The following PPP1R1C variants were observed in gnomAD, a reference collection of about 807,000 sequenced individuals.
PPP1R1C encodes the protein protein phosphatase 1 regulatory subunit 1C.
Under a neutral mutation model 17.4 loss-of-function variants are expected in PPP1R1C, and 15 were observed. The ratio of observed to expected loss-of-function variants is 0.86; its 90% CI spans 0.58 to 1.33. The LOEUF is 1.33. PPP1R1C is among the 40% of genes most tolerant of loss of function. PPP1R1C has a pLI of 0.00. For synonymous variants in PPP1R1C, 35 were observed against 43.1 expected (o/e 0.81, Z 0.73); for missense variants, 143 against 130.0 (o/e 1.10, Z -0.48).
intron 2 of PPP1R1C, among the ~76,000 whole-genome samples, chr2:182,060,903 C>T (rs1687830291): frequency 6.6e-6 from 1 of 152,122 alleles, no homozygotes; most frequent in African/African-American, 2.4e-5. Context: ...CCTTCATACA[C>T]AGCACAATCA....
intron 2 of PPP1R1C, among the ~76,000 whole-genome samples, chr2:182,058,538 G>A (rs1217536795): frequency 2.0e-5 from 3 of 152,044 alleles, no homozygotes; most frequent in African/African-American, 7.2e-5. Context: ...CTTAAGGAGT[G>A]GGAAATTGTG....
intron 1 of PPP1R1C, among the ~76,000 whole-genome samples, chr2:181,966,541 C>A (rs1381349735): frequency 6.6e-6 from 1 of 152,018 alleles, no homozygotes. Flanking sequence ...TTATCAAATG[C>A]ATTTTCAGCA....
chr2:182,107,650 A>G (rs1445573999), intron 4 of PPP1R1C, among the ~76,000 whole-genome samples: 1 of 152,088 alleles, frequency 6.6e-6, no homozygotes, highest in Non-Finnish European at 1.5e-5. Flanking sequence ...GGCACTTAGT[A>G]CTTTCTGACA....
chr2:181,992,161 T>A (rs1172949121), intron 2 of PPP1R1C, among the ~76,000 whole-genome samples: 1 of 152,154 alleles, frequency 6.6e-6, no homozygotes, highest in Admixed American at 6.6e-5. Context: ...TTTATATACC[T>A]CAGAGAAGAA....
intron 4 of PPP1R1C, among the ~76,000 whole-genome samples, chr2:182,076,682 C>T (rs1688323109): frequency 6.6e-6 from 1 of 151,958 alleles, no homozygotes; most frequent in Non-Finnish European, 1.5e-5. Flanking sequence ...TTAATTAGTA[C>T]TTTTACAATA....
At chr2:182,006,508 T>C (rs1347140266) in intron 2 of PPP1R1C, among the ~76,000 whole-genome samples, 1 of 152,206 alleles carries the variant, frequency 6.6e-6, no homozygotes, top group Non-Finnish European at 1.5e-5. Flanking sequence ...TGACACACAT[T>C]GGTTCTCAGG....
chr2:182,109,895 G>A (rs1689366806), intron 4 of PPP1R1C, among the ~76,000 whole-genome samples: 1 of 152,134 alleles, frequency 6.6e-6, no homozygotes, highest in African/African-American at 2.4e-5. Flanking sequence ...AGTTGAAGTT[G>A]TAATATTTGT....
chr2:182,082,793 T>A (rs1688518781), intron 4 of PPP1R1C, among the ~76,000 whole-genome samples: 2 of 152,194 alleles, frequency 1.3e-5, no homozygotes, highest in Non-Finnish European at 2.9e-5. Context: ...CTTTCCTGTG[T>A]TGCCCCAGAC....
intron 2 of PPP1R1C, among the ~76,000 whole-genome samples, chr2:181,998,898 C>G (rs1235354983): frequency 6.6e-6 from 1 of 152,300 alleles, no homozygotes; most frequent in South Asian, 2.1e-4. Context: ...GACCCACTCA[C>G]CATCACATTT....
At chr2:182,001,887 A>G (rs1160719498) in intron 2 of PPP1R1C, among the ~76,000 whole-genome samples, 1 of 152,150 alleles carries the variant, frequency 6.6e-6, no homozygotes, top group African/African-American at 2.4e-5. Context: ...CTTATACACA[A>G]GGAATCTATA....
chr2:182,032,835 GC>G, intron 2 of PPP1R1C, among the ~76,000 whole-genome samples: 1 of 152,134 alleles, frequency 6.6e-6, no homozygotes, highest in East Asian at 1.9e-4. Context: ...AAATATTAAT[GC>G]TTTCTCCTTA....
At chr2:182,115,232 T>C (rs1689548317) in intron 4 of PPP1R1C, among the ~76,000 whole-genome samples, 1 of 152,162 alleles carries the variant, frequency 6.6e-6, no homozygotes, top group South Asian at 2.1e-4. Context: ...GCCAGGTTAA[T>C]TGGTACTTCA....
intron 4 of PPP1R1C, among the ~76,000 whole-genome samples, chr2:182,088,875 G>A (rs1448301603): frequency 6.6e-6 from 1 of 152,000 alleles, no homozygotes; most frequent in Non-Finnish European, 1.5e-5. Flanking sequence ...ATCATTCCCT[G>A]GTGCACGCAA....
chr2:181,955,305 C>A (rs984476750), intron 1 of PPP1R1C, among the ~76,000 whole-genome samples: 11 of 152,186 alleles, frequency 7.2e-5, no homozygotes, highest in Admixed American at 7.2e-4. Context: ...TTCCTCTTTA[C>A]CATGCTTTCA....
chr2:182,116,486 G>C (rs1689586240), intron 4 of PPP1R1C, among the ~76,000 whole-genome samples: 1 of 152,112 alleles, frequency 6.6e-6, no homozygotes, highest in African/African-American at 2.4e-5. Context: ...GAAGATGTCT[G>C]GCAATGAGAA....
At chr2:182,131,221 CTATAATT>C (rs908659423), downstream of PPP1R1C, 3 of 151,576 alleles carry the variant, frequency 2.0e-5, no homozygotes, top group African/African-American at 7.3e-5. Context: ...GTGTTTGTGT[CTATAATT>C]TATATATGTG....
chr2:181,960,240 AAAG>A (rs1383048978), intron 1 of PPP1R1C, among the ~76,000 whole-genome samples: 2 of 152,216 alleles, frequency 1.3e-5, no homozygotes, highest in Non-Finnish European at 2.9e-5. Flanking sequence ...GTCTAGAGGG[AAAG>A]AAGATCTGCT....
upstream of PPP1R1C, among the ~76,000 whole-genome samples, chr2:181,982,244 C>G (rs1685206581): frequency 6.6e-6 from 1 of 152,052 alleles, no homozygotes; most frequent in Non-Finnish European, 1.5e-5. Context: ...AAAAATAACT[C>G]TAAAAACAGT....
chr2:182,120,547 C>T (rs1410680554), downstream of PPP1R1C, among the ~76,000 whole-genome samples: 1 of 152,178 alleles, frequency 6.6e-6, no homozygotes, highest in South Asian at 2.1e-4. Context: ...CCTGCTATGA[C>T]TCTTTGTTTA....
Sources: allele counts gnomAD v4.1 joint callset (sites outside exome capture counted in the v4.1 genomes callset), GRCh38; gene constraint gnomAD v4.1.1; transcripts MANE v1.5; gene names NCBI Gene and HGNC (gene_info 2026-07-23, HGNC 2026-07-21).